Variants in SULT2B1 observed in about 807,000 individuals in gnomAD.
SULT2B1 encodes the protein sulfotransferase family 2B member 1.
A neutral mutation model predicts 33.2 loss-of-function variants in SULT2B1; 16 were observed. The ratio of observed to expected loss-of-function variants is 0.48; its 90% confidence interval spans 0.33 to 0.73. SULT2B1 has a LOEUF of 0.73. Among genes scored for constraint, SULT2B1 ranks in the 30% least tolerant of loss-of-function variants. SULT2B1 has a pLI of 0.02. For synonymous variants in SULT2B1, 186 were observed against 200.5 expected (o/e 0.93, Z 0.61); for missense variants, 500 against 506.0 (o/e 0.99, Z 0.11).
chr19:48,552,837 G>A lies in SULT2B1; in HGVS notation c.71+514G>A, dbSNP rs547263636. Among the ~76,000 whole-genome samples the A allele has an allele frequency of 1.7e-4, 26 of 152,084 alleles. No individual in the cohort carries two copies. The highest frequency in any genetic ancestry group is 1.5e-3 in the Admixed American group (23 of 15,252). ...GAGAGGGCAGGCTCTGGACTCTTCAGGTCTCCTAACAGTGGTTAGGGCAGA... is the reference window on the plus strand; with the variant it reads ...GAGAGGGCAGGCTCTGGACTCTTCAAGTCTCCTAACAGTGGTTAGGGCAGA... On this transcript the variant is annotated intron_variant, in intron 1 of 6. Transcript: ENST00000201586. This position sits in a 1 kb window ranked among gnomAD's most constrained non-coding sequence, Gnocchi z 4.8.
intron 2 of SULT2B1, among the ~76,000 whole-genome samples, chr19:48,582,623 G>T (rs902765440): frequency 6.6e-6 from 1 of 152,012 alleles, no homozygotes; most frequent in East Asian, 1.9e-4. Flanking sequence ...CGAGGCAGGC[G>T]GATCACTTGA....
intron 2 of SULT2B1, among the ~76,000 whole-genome samples, chr19:48,585,623 C>G (rs1167144113): frequency 6.6e-6 from 1 of 150,618 alleles, no homozygotes; most frequent in Non-Finnish European, 1.5e-5. Flanking sequence ...GAGCCAAGAT[C>G]GCGCCATTGC....
chr19:48,566,827 G>A (rs1186728205), intron 1 of SULT2B1, among the ~76,000 whole-genome samples: 1 of 150,418 alleles, frequency 6.6e-6, no homozygotes, highest in Non-Finnish European at 1.5e-5. Context: ...TGGTGACACA[G>A]TGAGACTCTG....
chr19:48,554,146 T>C (rs1313930330), intron 1 of SULT2B1, among the ~76,000 whole-genome samples: 1 of 151,882 alleles, frequency 6.6e-6, no homozygotes, highest in African/African-American at 2.4e-5. Flanking sequence ...TGCAGAGCCC[T>C]GGGGGGGTGC....
chr19:48,597,349 T>C (rs1160606919), intron 6 of SULT2B1, among the ~76,000 whole-genome samples: 1 of 150,578 alleles, frequency 6.6e-6, no homozygotes, highest in East Asian at 2.0e-4. Flanking sequence ...TTTTTTTTTT[T>C]TTTTTTTTGA....
At chr19:48,592,618 G>T in intron 4 of SULT2B1, 104 bp from the exon 5 acceptor site, 1 of 981,926 alleles carries the variant, frequency 1.0e-6, no homozygotes. Flanking sequence ...CTGGGGGCTG[G>T]ACCTGGGGGT....
chr19:48,555,797 T>G (rs1973093259), intron 1 of SULT2B1, among the ~76,000 whole-genome samples: 2 of 152,042 alleles, frequency 1.3e-5, no homozygotes, highest in African/African-American at 4.8e-5. Context: ...TGGAGTGCAG[T>G]GATGCGAACT....
chr19:48,592,634 G>A (rs888269714), intron 4 of SULT2B1, 88 bp from the exon 5 acceptor site: 1 of 1,155,286 alleles, frequency 8.7e-7, no homozygotes, highest in Non-Finnish European at 1.3e-6. Flanking sequence ...GGGGTTTGTG[G>A]GGCACAGCTA....
At chr19:48,569,222 G>A (rs1668794723) in intron 1 of SULT2B1, among the ~76,000 whole-genome samples, 1 of 151,136 alleles carries the variant, frequency 6.6e-6, no homozygotes, top group South Asian at 2.1e-4. Context: ...GGCGCCTGTA[G>A]TCCCAGCTAC....
At chr19:48,553,597 GCCA>G (rs1973055474) in intron 1 of SULT2B1, among the ~76,000 whole-genome samples, 1 of 151,950 alleles carries the variant, frequency 6.6e-6, no homozygotes, top group Non-Finnish European at 1.5e-5. Flanking sequence ...ACAGGCGTGG[GCCA>G]CCACGCCTGG....
chr19:48,591,657 C>T lies in SULT2B1; in HGVS notation c.472C>T (p.His158Tyr). The stretch of plus-strand genomic sequence containing the variant: ...CCGGGACGTTGTGGTCTCCCTCTAT[C>T]ATTACTCCAAGATCGCCGGGCAGTT... ...NPRDVVVSLYHYSKIAGQLKD... is the reference protein window; with the variant it reads ...NPRDVVVSLYYYSKIAGQLKD... Residue 158 changes from histidine (H) to tyrosine (Y), a missense_variant, in exon 4 of 7, where the codon CAT becomes TAT. Coordinates refer to ENST00000201586, the MANE Select transcript of SULT2B1 (RefSeq NM_177973.2). 2 of 1,613,524 alleles carry T rather than the reference C, an allele frequency of 1.2e-6. No individual in the cohort carries two copies. The highest frequency in any genetic ancestry group is 1.7e-6 in the Non-Finnish European group (2 of 1,179,704).
intron 1 of SULT2B1, among the ~76,000 whole-genome samples, chr19:48,564,243 TC>T (rs1973215493): frequency 6.8e-6 from 1 of 148,072 alleles, no homozygotes; most frequent in African/African-American, 2.5e-5. Context: ...AGACTCTGTC[TC>T]AAAAAATAAA....
intron 1 of SULT2B1, among the ~76,000 whole-genome samples, chr19:48,561,211 C>A (rs894364403): frequency 6.6e-6 from 1 of 151,718 alleles, no homozygotes; most frequent in East Asian, 1.9e-4. Flanking sequence ...AGGCGGATCA[C>A]CTGAGGTGGG....
chr19:48,552,495 C>T lies in SULT2B1; in HGVS notation c.71+172C>T, dbSNP rs1217215837. 2.6e-5 allele frequency among the ~76,000 whole-genome samples: 4 copies of T among 152,078 alleles called. No homozygotes were observed. The highest frequency in any genetic ancestry group is 5.9e-5 in the Non-Finnish European group (4 of 68,006). On this transcript the variant is annotated intron_variant, in intron 1 of 6. Coordinates refer to ENST00000201586, the MANE Select transcript of SULT2B1 (RefSeq NM_177973.2). The surrounding 1 kb of genome is among the most constrained non-coding windows in gnomAD (Gnocchi z 4.8). ...GGGCATCCAGTGTGGTGTATAGGTCCCTCCTGAGAAGGGAGTGAGGACCCG... is the reference window on the plus strand; with the variant it reads ...GGGCATCCAGTGTGGTGTATAGGTCTCTCCTGAGAAGGGAGTGAGGACCCG...
intron 1 of SULT2B1, among the ~76,000 whole-genome samples, chr19:48,554,015 G>T (rs1349725593): frequency 6.6e-6 from 1 of 151,860 alleles, no homozygotes; most frequent in East Asian, 1.9e-4. Context: ...GTCATAAAAC[G>T]CCCTGAGTGA....
intron 5 of SULT2B1, chr19:48,596,279 C>T: frequency 6.0e-6 from 1 of 166,974 alleles, no homozygotes; most frequent in Non-Finnish European, 1.3e-5. Context: ...GGAGGCCAGG[C>T]TCCTGGGTGG....
intron 1 of SULT2B1, 67 bp from the exon 2 acceptor site, chr19:48,575,874 C>T (rs777574754): frequency 1.9e-6 from 3 of 1,559,446 alleles, no homozygotes; most frequent in Admixed American, 3.6e-5. Context: ...CCGAGTGTCG[C>T]CACCCTGAGA....
At chr19:48,582,184 C>T (rs541824730) in intron 2 of SULT2B1, among the ~76,000 whole-genome samples, 7 of 152,222 alleles carry the variant, frequency 4.6e-5, no homozygotes, top group South Asian at 2.1e-4. Context: ...GGATTACAGG[C>T]GTGAGCCACT....
At chr19:48,594,389 C>G (rs906715391) in intron 5 of SULT2B1, among the ~76,000 whole-genome samples, 5 of 152,334 alleles carry the variant, frequency 3.3e-5, no homozygotes, top group Middle Eastern at 3.4e-3. Context: ...TTGCCCAGGG[C>G]ACATGGCTCT....
Sources: allele counts gnomAD v4.1 joint callset (sites outside exome capture counted in the v4.1 genomes callset), GRCh38; gene constraint gnomAD v4.1.1; non-coding constraint Gnocchi (gnomAD v3.1); transcripts MANE v1.5; gene names NCBI Gene and HGNC (gene_info 2026-07-23, HGNC 2026-07-21).